DHX16: variants seen among roughly 807,000 people sequenced by gnomAD.
DHX16 encodes DEAH-box helicase 16, also known as pre-mRNA-splicing factor ATP-dependent RNA helicase DHX16.
Under a neutral mutation model 131.2 loss-of-function variants are expected in DHX16, and 81 were observed. The ratio of observed to expected loss-of-function variants is 0.62; its 90% confidence interval spans 0.52 to 0.74. The LOEUF is 0.74. DHX16 is among the 30% of genes least tolerant of loss of function. The pLI, the probability that DHX16 is intolerant of heterozygous loss-of-function variation, is 0.00. For synonymous variants in DHX16, 440 were observed against 520.2 expected (o/e 0.85, Z 2.10); for missense variants, 980 against 1,363.1 (o/e 0.72, Z 4.43).
At position 30,670,511 on chromosome 6, in the gene DHX16, C is replaced by T. The variant is rs1370354342; in HGVS notation, c.610-45G>A. On this transcript the variant is annotated intron_variant, in intron 3 of 19. Coordinates refer to ENST00000376442, the MANE Select transcript of DHX16 (RefSeq NM_003587.5). The surrounding 1 kb of genome is among the most constrained non-coding windows in gnomAD (Gnocchi z 4.4). ...TGGAGGGGTGTGAGGCCAAAGAGCCCCCACACTGACAGCTGCTCCCCTCTA... is the reference window on the plus strand; with the variant it reads ...TGGAGGGGTGTGAGGCCAAAGAGCCTCCACACTGACAGCTGCTCCCCTCTA... 4 of 1,578,290 alleles carry T rather than the reference C, an allele frequency of 2.5e-6. No homozygotes were observed. Among genetic ancestry groups the T allele is most frequent in the Non-Finnish European group, 3.5e-6 (4 of 1,154,612 alleles).
rs749204542 is a variant in DHX16 at position 30,660,208 on chromosome 6, G to A, written c.1579C>T (p.Leu527=). ...AATCCAAAGAGAATGTCTGTGTGTA[G>A]GGTCCTTTCGTGTGCCTCATCCACC... ...VMVDEAHERT[L]HTDILFGLIK... Residue 527 remains leucine, a synonymous_variant, in exon 10 of 20, where the codon CTA becomes TTA. Coordinates refer to ENST00000376442, the MANE Select transcript of DHX16 (RefSeq NM_003587.5). The A allele has an allele frequency of 6.5e-7, 1 of 1,541,146 alleles. No individual in the cohort carries two copies. The highest frequency in any genetic ancestry group is 8.7e-7 in the Non-Finnish European group (1 of 1,143,598).
Position 30,659,544 on chromosome 6 carries a change from C to T in DHX16, c.1935G>A (p.Leu645=). 6.2e-7 allele frequency: 1 copy of T among 1,611,664 alleles called. No homozygotes were observed. Among genetic ancestry groups the T allele is most frequent in the South Asian group, 1.1e-5 (1 of 90,790 alleles). Residue 645 remains leucine, a synonymous_variant, in exon 12 of 20, where the codon CTG becomes CTA. Coordinates refer to ENST00000376442, the MANE Select transcript of DHX16 (RefSeq NM_003587.5). ...CAGAGGGCAGATTGGCATAAATGGGCAGCACCAGGAGCTCCCGGATTTTGG... is the reference window on the plus strand; with the variant it reads ...CAGAGGGCAGATTGGCATAAATGGGTAGCACCAGGAGCTCCCGGATTTTGG... ...LGSKIRELLV[L]PIYANLPSDM...
chr6:30,656,291 G>A lies in DHX16; in HGVS notation c.2431-26C>T. 6.2e-7 allele frequency: 1 copy of A among 1,613,456 alleles called. No individual in the cohort carries two copies. The highest frequency in any genetic ancestry group is 8.5e-7 in the Non-Finnish European group (1 of 1,179,584). The stretch of plus-strand genomic sequence containing the variant: ...CTAAGGAGAAGAGAGAGAGAGTTGA[G>A]CCCAGTCCTCCCTCAGGTTTCCCGC... On this transcript the variant is annotated intron_variant, in intron 15 of 19. Coordinates refer to ENST00000376442, the MANE Select transcript of DHX16 (RefSeq NM_003587.5). This position sits in a 1 kb window ranked among gnomAD's most constrained non-coding sequence, Gnocchi z 5.1.
chr6:30,667,001 G>T (rs1769102376), intron 4 of DHX16, among the ~76,000 whole-genome samples: 1 of 151,766 alleles, frequency 6.6e-6, no homozygotes, highest in African/African-American at 2.4e-5. Context: ...AAAAATCAGA[G>T]CCATTTGAGC....
At position 30,672,694 on chromosome 6, in the gene DHX16, T is replaced by C; in HGVS notation, c.148A>G (p.Thr50Ala). 6.2e-7 allele frequency: 1 copy of C among 1,612,832 alleles called. No homozygotes were observed. The highest frequency in any genetic ancestry group is 8.5e-7 in the Non-Finnish European group (1 of 1,179,920). Residue 50 changes from threonine to alanine, a missense_variant, in exon 1 of 20, where the codon ACT (threonine) becomes GCT (alanine). Coordinates refer to ENST00000376442, the MANE Select transcript of DHX16 (RefSeq NM_003587.5). ...GGCCCACTGAGATCCAAGGTATCAG[T>C]GTCTCGTAGGCGCTGCACGAACTCC... is the stretch of plus-strand genomic sequence containing the variant. ...AEEFVQRLRD[T>A]DTLDLSGPAR...
In DHX16 at chr6:30,670,420, C is replaced by T. The variant is rs780643118; in HGVS notation, c.656G>A (p.Arg219Gln). ...QKRLKMAEED[R>Q]KAMVPELRKK... ...GGCCCTGGGACTCACCATGGCCTTC[C>T]GGTCTTCCTCGGCCATCTTGAGGCG... is the stretch of plus-strand genomic sequence containing the variant. Residue 219 changes from arginine (R) to glutamine (Q), a missense_variant, in exon 4 of 20, where the codon CGG becomes CAG. Physicochemically the swap from Arg to Gln is conservative, Grantham distance 43 (BLOSUM62 1). Coordinates refer to ENST00000376442, the MANE Select transcript of DHX16 (RefSeq NM_003587.5). This position sits in a 1 kb window ranked among gnomAD's most constrained non-coding sequence, Gnocchi z 4.4. 19 of 1,610,292 alleles carry T rather than the reference C, an allele frequency of 1.2e-5. No individual in the cohort carries two copies. Among genetic ancestry groups the T allele is most frequent in the East Asian group, 6.7e-5 (3 of 44,874 alleles).
intron 1 of DHX16, among the ~76,000 whole-genome samples, chr6:30,672,279 A>T (rs1273654821): frequency 5.3e-5 from 8 of 151,052 alleles, no homozygotes; most frequent in Non-Finnish European, 1.0e-4. Context: ...TGATCTTACG[A>T]CCGCACTCCA....
In DHX16 at chr6:30,660,347, A is replaced by C; in HGVS notation, c.1545-105T>G. ...GGGAGTAATGGACACAAAGAGTTCA[A>C]GAATGACTGTTGACGGAGGGGGCTC... is the stretch of plus-strand genomic sequence containing the variant. On this transcript the variant is annotated intron_variant, in intron 9 of 19. Coordinates refer to ENST00000376442, the MANE Select transcript of DHX16 (RefSeq NM_003587.5). 4 of 946,336 alleles carry C rather than the reference A, an allele frequency of 4.2e-6. No homozygotes were observed. The Middle Eastern group carries it at 7.1e-4, about 168-fold the overall frequency. 58.6% of individuals were successfully genotyped at this position (946,336 alleles called of 1,614,324 possible).
intron 19 of DHX16, among the ~76,000 whole-genome samples, chr6:30,654,465 T>G (rs1310816850): frequency 6.6e-6 from 1 of 151,892 alleles, no homozygotes; most frequent in African/African-American, 2.4e-5. Flanking sequence ...CATGAGAATC[T>G]CTTGAACCCC....
Position 30,672,896 on chromosome 6 carries a change from G to C in DHX16, c.-55C>G. Reference sequence around the variant, plus strand: ...GAAGCGTCGGGCAGCCGCGCTCACTGCTGGGCCGGTCAGAGGCCTGGAGCC... The same window carrying C: ...GAAGCGTCGGGCAGCCGCGCTCACTCCTGGGCCGGTCAGAGGCCTGGAGCC... On this transcript the variant is annotated 5_prime_UTR_variant, in exon 1 of 20. Coordinates refer to ENST00000376442, the MANE Select transcript of DHX16 (RefSeq NM_003587.5). 6.2e-7 allele frequency: 1 copy of C among 1,603,814 alleles called. No individual in the cohort carries two copies. The highest frequency in any genetic ancestry group is 1.1e-5 in the South Asian group (1 of 89,952).
In DHX16 at chr6:30,665,557, C is replaced by T; in HGVS notation, c.843G>A (p.Arg281=). The change falls in exon 5 of 20, where the codon CGG becomes CGA. Residue 281 remains arginine, a synonymous_variant. Coordinates refer to ENST00000376442, the MANE Select transcript of DHX16 (RefSeq NM_003587.5). This position sits in a 1 kb window ranked among gnomAD's most constrained non-coding sequence, Gnocchi z 4.8. ...KYKRRVRDLA[R]EYRAAGEQEK... ...CCTGCTCCCCAGCTGCCCGGTACTC[C>T]CGGGCGAGATCCCGCACTCGCCGCT... 6.2e-7 allele frequency: 1 copy of T among 1,613,098 alleles called. No homozygotes were observed. The highest frequency in any genetic ancestry group is 8.5e-7 in the Non-Finnish European group (1 of 1,180,040).
rs775567476 is a variant in DHX16, at chr6:30,656,156, C to G, written c.2498+42G>C. ...GACCCTGGAGACAGAGGAGGCCTGG[C>G]CTGTTTGTGTGCTGGGGGCCCAGGT... is the stretch of plus-strand genomic sequence containing the variant. On this transcript the variant is annotated intron_variant, in intron 16 of 19. Coordinates refer to ENST00000376442, the MANE Select transcript of DHX16 (RefSeq NM_003587.5). The surrounding 1 kb of genome is among the most constrained non-coding windows in gnomAD (Gnocchi z 5.1). 2 of 1,595,908 alleles carry G rather than the reference C, an allele frequency of 1.3e-6. No individual in the cohort carries two copies. The highest frequency in any genetic ancestry group is 2.2e-5 in the South Asian group (2 of 90,770).
At chr6:30,653,917 C>T (rs917829046) in intron 19 of DHX16, among the ~76,000 whole-genome samples, 1 of 150,998 alleles carries the variant, frequency 6.6e-6, no homozygotes, top group Admixed American at 6.6e-5. Context: ...GTCAGGAGTT[C>T]GAGATCAGCC....
At position 30,663,663 on chromosome 6, in the gene DHX16, GTAAGCCAAGATCA is replaced by G. The variant is rs796542908; in HGVS notation, c.1318-655_1318-643del. ...TTGAACCTGGGAGACAGAGGTTGCA[GTAAGCCAAGATCA>G]TGCCACCGCACTCCAGCCTGGGCAA... is the stretch of plus-strand genomic sequence containing the variant. On this transcript the variant is annotated intron_variant, in intron 7 of 19. Transcript: ENST00000376442. Among the ~76,000 whole-genome samples, 27 of 148,980 alleles carry G rather than the reference GTAAGCCAAGATCA, an allele frequency of 1.8e-4. No homozygotes were observed. In the South Asian group the frequency reaches 5.3e-3, roughly 29 times the overall value.
chr6:30,662,731 G>A lies in DHX16; in HGVS notation c.1440C>T (p.Ser480=). 1 of 1,612,864 alleles carries A rather than the reference G, an allele frequency of 6.2e-7. No individual in the cohort carries two copies. The highest frequency in any genetic ancestry group is 8.5e-7 in the Non-Finnish European group (1 of 1,179,980). ...GVKLGNEVGY[S]IRFEDCTSER... ...CTGATGTGCAGTCCTCAAAGCGGAT[G>A]CTGTAGCCAACCTGGTCAAGGGAAC... The change falls in exon 9 of 20, where the codon AGC becomes AGT. Residue 480 remains serine, a synonymous_variant. Transcript: ENST00000376442. This position sits in a 1 kb window ranked among gnomAD's most constrained non-coding sequence, Gnocchi z 4.7.
Position 30,665,626 on chromosome 6 carries a change from C to T in DHX16, c.774G>A (p.Gly258=). ...GCTCGTGCCGGCTCAGCTCCACGTCCCCAAAAAGGAACTCCTCATCAGCCA... is the reference window on the plus strand; with the variant it reads ...GCTCGTGCCGGCTCAGCTCCACGTCTCCAAAAAGGAACTCCTCATCAGCCA... ...AELADEEFLF[G]DVELSRHERQ... is the part of the protein sequence containing the mutation. The change falls in exon 5 of 20, where the codon GGG becomes GGA. Residue 258 remains glycine (G), a synonymous_variant. Coordinates refer to ENST00000376442, the MANE Select transcript of DHX16 (RefSeq NM_003587.5). This position sits in a 1 kb window ranked among gnomAD's most constrained non-coding sequence, Gnocchi z 4.8. 1.2e-6 allele frequency: 2 copies of T among 1,612,894 alleles called. No individual in the cohort carries two copies. The highest frequency in any genetic ancestry group is 1.7e-6 in the Non-Finnish European group (2 of 1,180,030).
intron 7 of DHX16, among the ~76,000 whole-genome samples, chr6:30,664,157 C>T (rs369799146): frequency 1.0e-3 from 159 of 151,868 alleles, no homozygotes; most frequent in African/African-American, 2.7e-3. Context: ...CACATCACTC[C>T]AGCTTGGGCA....
intron 9 of DHX16, chr6:30,661,634 G>C: frequency 1.5e-6 from 1 of 659,058 alleles, no homozygotes; most frequent in Non-Finnish European, 2.8e-6. Flanking sequence ...TCCTAACTCA[G>C]TTATGTGCAT....
Position 30,662,822 on chromosome 6 carries a change from C to T in DHX16, c.1429-80G>A. 7 of 1,552,332 alleles carry T rather than the reference C, an allele frequency of 4.5e-6. 1 individual carries two copies. The highest frequency in any genetic ancestry group is 4.4e-4 in the Middle Eastern group (2 of 4,574). On this transcript the variant is annotated intron_variant, in intron 8 of 19. Transcript: ENST00000376442. The surrounding 1 kb of genome is among the most constrained non-coding windows in gnomAD (Gnocchi z 4.7). Reference sequence around the variant, plus strand: ...CTTGGGGAAAGGTGAAGTGGGGCAGCACCAAGACTTCTGCTGTAGGGACCT... The same window carrying T: ...CTTGGGGAAAGGTGAAGTGGGGCAGTACCAAGACTTCTGCTGTAGGGACCT...
Sources: allele counts gnomAD v4.1 joint callset (sites outside exome capture counted in the v4.1 genomes callset), GRCh38; gene constraint gnomAD v4.1.1; non-coding constraint Gnocchi (gnomAD v3.1); transcripts MANE v1.5; gene names NCBI Gene and HGNC (gene_info 2026-07-23, HGNC 2026-07-21).